Variants in ZBTB34 observed in about 807,000 individuals in gnomAD.
ZBTB34 encodes zinc finger and BTB domain-containing protein 34.
Under a neutral mutation model 33.4 loss-of-function variants are expected in ZBTB34, and 1 was observed. The observed-to-expected ratio is 0.03, with a 90% CI of 0.01 to 0.14. The LOEUF is 0.14. Ranked by LOEUF, ZBTB34 falls within the 10% of genes least tolerant of loss-of-function variation. The probability of loss-of-function intolerance (pLI) is 1.00; values close to 1 mark genes in which losing one functional copy is unlikely to be tolerated. For synonymous variants in ZBTB34, 283 were observed against 253.5 expected, an observed-to-expected ratio of 1.12 and a Z score of -1.11; for missense variants, 406 against 657.2, an observed-to-expected ratio of 0.62 and a Z score of 4.18.
intron 1 of ZBTB34, among the ~76,000 whole-genome samples, chr9:126,874,044 T>TTC (rs1439841302): frequency 7.7e-6 from 1 of 130,496 alleles, no homozygotes; most frequent in Non-Finnish European, 1.6e-5. Context: ...TTCTTTTTTT[T>TTC]TTTTTTTTTT....
At chr9:126,882,755 T>C (rs554176907) in exon 2 of ZBTB34, 2 of 167,222 alleles carry the variant, frequency 1.2e-5, no homozygotes, top group East Asian at 3.9e-4. Context: ...TTTCTGTGCT[T>C]TTTTGGCTCC....
intron 1 of ZBTB34, among the ~76,000 whole-genome samples, chr9:126,868,842 T>G (rs2033241864): frequency 6.6e-6 from 1 of 152,186 alleles, no homozygotes; most frequent in East Asian, 1.9e-4. Context: ...TTCTAATTAA[T>G]TGAGGCTTTC....
At chr9:126,867,641 G>A (rs1403827774) in intron 1 of ZBTB34, among the ~76,000 whole-genome samples, 1 of 151,290 alleles carries the variant, frequency 6.6e-6, no homozygotes, top group Non-Finnish European at 1.5e-5. Flanking sequence ...TTTTTGTCAT[G>A]TACTTTTACG....
In ZBTB34 at chr9:126,880,265, A is replaced by G. The variant is rs751800745; in HGVS notation, c.866A>G (p.Tyr289Cys). Reference sequence around the variant, plus strand: ...TCTGTGCTCCAGCACGCATACTCCTATTCCCAAGCAGCCTCACAGCCAACC... The same window carrying G: ...TCTGTGCTCCAGCACGCATACTCCTGTTCCCAAGCAGCCTCACAGCCAACC... Residue 289 changes from tyrosine to cysteine, a missense_variant, in exon 2 of 2, where the codon TAT (tyrosine) becomes TGT (cysteine). Physicochemically the swap from Tyr to Cys is radical, Grantham distance 194. Transcript: ENST00000319119. The surrounding 1 kb of genome is among the most constrained non-coding windows in gnomAD (Gnocchi z 6.7). The G allele has an allele frequency of 3.7e-6, 6 of 1,613,788 alleles. No individual in the cohort carries two copies. Among genetic ancestry groups the G allele is most frequent in the East Asian group, 4.5e-5 (2 of 44,892 alleles).
At chr9:126,870,523 C>T (rs1026232559) in intron 1 of ZBTB34, among the ~76,000 whole-genome samples, 1 of 152,136 alleles carries the variant, frequency 6.6e-6, no homozygotes, top group African/African-American at 2.4e-5. Flanking sequence ...AGAGCTCTGA[C>T]AAATCAATAA....
At chr9:126,869,138 C>T (rs1016347041) in intron 1 of ZBTB34, among the ~76,000 whole-genome samples, 1 of 152,068 alleles carries the variant, frequency 6.6e-6, no homozygotes, top group Non-Finnish European at 1.5e-5. Flanking sequence ...TACTAAAATG[C>T]CCTCATTTGC....
rs2033339786 is a variant in ZBTB34, at chr9:126,875,211, T to C, written c.-10-4179T>C. 2.0e-5 allele frequency among the ~76,000 whole-genome samples: 3 copies of C among 152,358 alleles called. No homozygotes were observed. In the South Asian group the frequency reaches 6.2e-4, roughly 32 times the overall value. On this transcript the variant is annotated intron_variant, in intron 1 of 1. Transcript: ENST00000319119. ...TGTAAAATGTCTCAACTTTCTGATA[T>C]TGATTACATGCTGCAGTGATGTATT...
At chr9:126,871,137 G>C (rs1022524129) in intron 1 of ZBTB34, among the ~76,000 whole-genome samples, 1 of 151,636 alleles carries the variant, frequency 6.6e-6, no homozygotes, top group African/African-American at 2.4e-5. Context: ...AGAAGTTGAG[G>C]CTACAGATTT....
At chr9:126,863,146 A>T (rs2033162874) in intron 1 of ZBTB34, among the ~76,000 whole-genome samples, 1 of 152,180 alleles carries the variant, frequency 6.6e-6, no homozygotes, top group Non-Finnish European at 1.5e-5. Flanking sequence ...CTTTGGAATC[A>T]GAGACCTGGG....
At chr9:126,883,141 G>A (rs372086549) in exon 2 of ZBTB34, 1 of 166,236 alleles carries the variant, frequency 6.0e-6, no homozygotes, top group African/African-American at 2.4e-5. Context: ...TATGTTCTGG[G>A]GTTTCAGGTA....
chr9:126,876,139 C>CT (rs35897421), intron 1 of ZBTB34, among the ~76,000 whole-genome samples: 1,809 of 65,924 alleles, frequency 0.027, 97 homozygotes, highest in East Asian at 0.21. Context: ...ATCATGTTTC[C>CT]TTTTTTTTTT....
chr9:126,861,212 G>C (rs1282830204), intron 1 of ZBTB34, among the ~76,000 whole-genome samples: 1 of 152,198 alleles, frequency 6.6e-6, no homozygotes, highest in Admixed American at 6.5e-5. Flanking sequence ...CGGAGCCGCT[G>C]CCTCACGCCA....
At chr9:126,874,631 A>C (rs1391856583) in intron 1 of ZBTB34, among the ~76,000 whole-genome samples, 1 of 152,132 alleles carries the variant, frequency 6.6e-6, no homozygotes, top group Non-Finnish European at 1.5e-5. Context: ...CCGTGAGGCC[A>C]TCTCAGTCTG....
At chr9:126,873,424 T>G (rs1293601626) in intron 1 of ZBTB34, among the ~76,000 whole-genome samples, 1 of 151,722 alleles carries the variant, frequency 6.6e-6, no homozygotes, top group Non-Finnish European at 1.5e-5. Flanking sequence ...CCATCTTGCC[T>G]GACTAATTTT....
At chr9:126,883,685 CT>C (rs1356403436) in exon 2 of ZBTB34, 1 of 167,060 alleles carries the variant, frequency 6.0e-6, no homozygotes, top group African/African-American at 2.4e-5. Context: ...ACCCTTTCCA[CT>C]GCTCGCAGTG....
chr9:126,867,615 G>A (rs2033224356), intron 1 of ZBTB34, among the ~76,000 whole-genome samples: 1 of 151,402 alleles, frequency 6.6e-6, no homozygotes, highest in Admixed American at 6.6e-5. Context: ...TTGGCTTTTG[G>A]CGAAAAGGGG....
Position 126,879,846 on chromosome 9 carries a change from C to T in ZBTB34, c.447C>T (p.Pro149=), listed in dbSNP as rs780150661. 33 of 1,612,938 alleles carry T rather than the reference C, an allele frequency of 2.0e-5. No individual in the cohort carries two copies. Among genetic ancestry groups the T allele is most frequent in the Admixed American group, 5.0e-5 (3 of 59,984 alleles). The change falls in exon 2 of 2, where the codon CCC becomes CCT. Residue 149 remains proline, a synonymous_variant. Coordinates refer to ENST00000319119, the Ensembl canonical transcript of ZBTB34. This position sits in a 1 kb window ranked among gnomAD's most constrained non-coding sequence, Gnocchi z 6.4. ...TTACCGTCGGTGCTGAAGAGAATCC[C>T]GAGAGTCGAAACGGAGTGAAAGACA...
chr9:126,871,067 ACCTC>A (rs1168231517), intron 1 of ZBTB34, among the ~76,000 whole-genome samples: 2 of 152,178 alleles, frequency 1.3e-5, no homozygotes, highest in African/African-American at 4.8e-5. Flanking sequence ...AATTGCTGCT[ACCTC>A]TTAGAGGGTA....
chr9:126,880,859 A>G lies in ZBTB34; in HGVS notation c.1460A>G (p.Glu487Gly). Residue 487 changes from glutamate to glycine, a missense_variant, in exon 2 of 2, where the codon GAG (glutamate) becomes GGG (glycine). By Grantham distance (98) the Glu-to-Gly change is moderately conservative (BLOSUM62 -2). Coordinates refer to ENST00000319119, the Ensembl canonical transcript of ZBTB34. This position sits in a 1 kb window ranked among gnomAD's most constrained non-coding sequence, Gnocchi z 6.7. ...CTAGAAAATGACGCATCGGCCTCAGAGATGGGCCTAGATTCCCGGATGGAA... is the reference window on the plus strand; with the variant it reads ...CTAGAAAATGACGCATCGGCCTCAGGGATGGGCCTAGATTCCCGGATGGAA... The G allele has an allele frequency of 6.2e-7, 1 of 1,613,350 alleles. No homozygotes were observed. Among genetic ancestry groups the G allele is most frequent in the South Asian group, 1.1e-5 (1 of 91,076 alleles).
Sources: allele counts gnomAD v4.1 joint callset (sites outside exome capture counted in the v4.1 genomes callset), GRCh38; gene constraint gnomAD v4.1.1; non-coding constraint Gnocchi (gnomAD v3.1); transcripts MANE v1.5; gene names NCBI Gene and HGNC (gene_info 2026-07-23, HGNC 2026-07-21).